TAOK1: variants seen among roughly 807,000 people sequenced by gnomAD.
TAOK1 encodes the protein serine/threonine-protein kinase TAO1.
In TAOK1, 21 loss-of-function variants were observed where a neutral mutation model predicts 138.3. That is an observed-to-expected ratio of 0.15 (90% CI 0.11 to 0.22). The LOEUF (loss-of-function observed/expected upper bound fraction) is 0.22. Among genes scored for constraint, TAOK1 ranks in the 10% least tolerant of loss-of-function variants. The pLI, the probability that TAOK1 is intolerant of heterozygous loss-of-function variation, is 1.00. For missense variants in TAOK1, 651 were observed against 1,227.7 expected, an observed-to-expected ratio of 0.53 and a Z score of 7.02; for synonymous variants, 361 against 398.4, an observed-to-expected ratio of 0.91 and a Z score of 1.12.
chr17:29,522,455 G>A lies in TAOK1; in HGVS notation c.2084G>A (p.Arg695Gln), dbSNP rs372564992. 3 of 1,614,084 alleles carry A rather than the reference G, an allele frequency of 1.9e-6. No individual in the cohort carries two copies. Among genetic ancestry groups the A allele is most frequent in the African/African-American group, 1.3e-5 (1 of 75,012 alleles). ...ACTAACCAGCTGGAATATAATAAGC[G>A]AAGAGAACGAGAACTAAGACGAAAG... ...ELTNQLEYNK[R>Q]RERELRRKHV... is the part of the protein sequence containing the mutation. The change falls in exon 17 of 20, where the codon CGA (arginine) becomes CAA (glutamine). Residue 695 changes from arginine to glutamine, a missense_variant. Around this residue, in one of 8 missense-constraint regions of TAOK1, gnomAD observed 258 missense variants for 548.9 expected, o/e 0.47. Transcript: ENST00000261716.
rs1018841642 is a variant in TAOK1 at position 29,545,813 on chromosome 17, C to T, written c.*2791C>T. On this transcript the variant is annotated 3_prime_UTR_variant, in exon 20 of 20. Coordinates refer to ENST00000261716, the MANE Select transcript of TAOK1 (RefSeq NM_020791.4). ...CAATATTTGATCAAATTAACACTAC[C>T]TCCTTCCCAGTGTTGGTGTTCACTC... The T allele has an allele frequency of 1.3e-5, 2 of 152,002 alleles. No homozygotes were observed. The highest frequency in any genetic ancestry group is 2.9e-5 in the Non-Finnish European group (2 of 67,966). 9.4% of individuals were successfully genotyped at this position (152,002 alleles called of 1,614,324 possible). A position where few individuals can be genotyped will look rare whatever the true frequency, so the allele number is the denominator to read the frequency against.
chr17:29,522,618 T>C (rs1025432310), intron 17 of TAOK1, 99 bp downstream of exon 17: 12 of 1,485,868 alleles, frequency 8.1e-6, no homozygotes, highest in East Asian at 2.3e-5. Flanking sequence ...ATAAAGAAAT[T>C]GACTAAGCTT....
At chr17:29,501,591 G>C (rs1407363752) in intron 12 of TAOK1, among the ~76,000 whole-genome samples, 1 of 152,102 alleles carries the variant, frequency 6.6e-6, no homozygotes, top group Non-Finnish European at 1.5e-5. Flanking sequence ...TAAAAAGATA[G>C]CTCCATTGCT....
chr17:29,534,481 T>C (rs1363420495), intron 19 of TAOK1, among the ~76,000 whole-genome samples, 181 bp downstream of exon 19: 1 of 152,228 alleles, frequency 6.6e-6, no homozygotes, highest in Non-Finnish European at 1.5e-5. Context: ...ATGAACCTTA[T>C]CATTAATGAG....
At chr17:29,402,411 T>G (rs893305405) in intron 1 of TAOK1, among the ~76,000 whole-genome samples, 1 of 152,110 alleles carries the variant, frequency 6.6e-6, no homozygotes, top group African/African-American at 2.4e-5. Context: ...CAGGTGATCC[T>G]TTTACCTCAG....
At chr17:29,539,562 G>A (rs1417130098) in intron 19 of TAOK1, among the ~76,000 whole-genome samples, 4 of 151,978 alleles carry the variant, frequency 2.6e-5, no homozygotes, top group Admixed American at 6.6e-5. Context: ...TCAGCCTCCC[G>A]AGTAGCTGGG....
Position 29,456,976 on chromosome 17 carries a change from G to A in TAOK1, c.132+5296G>A, listed in dbSNP as rs900307583. On this transcript the variant is annotated intron_variant, in intron 2 of 19. Transcript: ENST00000261716. ...TCTCGATCTCCTGGTCTTGTGATCC[G>A]CCTTCCTCGGCCTCCCAAAGTGCTG... Among the ~76,000 whole-genome samples the A allele has an allele frequency of 8.9e-4, 133 of 149,842 alleles. 11 individuals are homozygous for A. Among genetic ancestry groups the A allele is most frequent in the South Asian group, 2.1e-4 (1 of 4,814 alleles).
intron 17 of TAOK1, among the ~76,000 whole-genome samples, chr17:29,527,658 G>A (rs936594235): frequency 1.3e-5 from 2 of 152,100 alleles, no homozygotes; most frequent in Admixed American, 6.6e-5. Flanking sequence ...TGTAAATTTG[G>A]TTACATATCC....
rs2030003959 is a variant in TAOK1 at position 29,443,676 on chromosome 17, G to A, written c.-94-7779G>A. Among the ~76,000 whole-genome samples the A allele has an allele frequency of 3.3e-5, 5 of 152,148 alleles. No homozygotes were observed. In the South Asian group the frequency reaches 8.3e-4, roughly 25 times the overall value. On this transcript the variant is annotated intron_variant, in intron 1 of 19. Coordinates refer to ENST00000261716, the MANE Select transcript of TAOK1 (RefSeq NM_020791.4). ...TTTTATTGTTCACTTTATTAGGAAGGATATGGTAAATTGCTTTAATGATAC... is the reference window on the plus strand; with the variant it reads ...TTTTATTGTTCACTTTATTAGGAAGAATATGGTAAATTGCTTTAATGATAC...
chr17:29,543,016 T>C lies in TAOK1; in HGVS notation c.3000T>C (p.Tyr1000=). 1 of 1,572,952 alleles carries C rather than the reference T, an allele frequency of 6.4e-7. No individual in the cohort carries two copies. The highest frequency in any genetic ancestry group is 1.1e-5 in the South Asian group (1 of 87,286). The change falls in exon 20 of 20, where the codon TAT becomes TAC. Residue 1000 remains tyrosine, a synonymous_variant. Transcript: ENST00000261716. ...SQISNGSHMS[Y]T is the part of the protein sequence containing the mutation. ...TATCCAATGGGTCACACATGTCTTATACATAACTTAATAATTGAGAGTGGC... is the reference window on the plus strand; with the variant it reads ...TATCCAATGGGTCACACATGTCTTACACATAACTTAATAATTGAGAGTGGC...
intron 17 of TAOK1, among the ~76,000 whole-genome samples, chr17:29,523,074 C>CA (rs35989910): frequency 0.02 from 2,235 of 110,796 alleles, 42 homozygotes; most frequent in African/African-American, 0.041. Flanking sequence ...GACCCTGTCT[C>CA]AAAAAAAAAA....
At chr17:29,535,862 CA>C (rs758637236) in intron 19 of TAOK1, among the ~76,000 whole-genome samples, 1 of 150,526 alleles carries the variant, frequency 6.6e-6, no homozygotes, top group African/African-American at 2.4e-5. Flanking sequence ...CTCAAAAAAA[CA>C]AAAAAAATCT....
intron 3 of TAOK1, among the ~76,000 whole-genome samples, chr17:29,474,762 C>T (rs555346626): frequency 6.6e-6 from 1 of 151,096 alleles, no homozygotes; most frequent in South Asian, 2.1e-4. Context: ...CAAAAGGTGA[C>T]ACAAAGACAT....
chr17:29,533,170 G>A (rs1456423877), intron 18 of TAOK1, among the ~76,000 whole-genome samples: 4 of 150,406 alleles, frequency 2.7e-5, no homozygotes, highest in Non-Finnish European at 4.4e-5. Context: ...ATGGGGTCGC[G>A]GCCGGGCAGA....
At chr17:29,428,534 G>A (rs545892272) in intron 1 of TAOK1, among the ~76,000 whole-genome samples, 2 of 152,284 alleles carry the variant, frequency 1.3e-5, no homozygotes, top group East Asian at 3.9e-4. Flanking sequence ...ATCTGGCTCT[G>A]TTACTTAGTA....
chr17:29,428,791 A>T (rs1185898237), intron 1 of TAOK1, among the ~76,000 whole-genome samples: 4 of 144,676 alleles, frequency 2.8e-5, no homozygotes, highest in Non-Finnish European at 6.1e-5. Context: ...ACCTGACTAA[A>T]TTTTTTTTTT....
chr17:29,421,689 C>G (rs911829821), intron 1 of TAOK1, among the ~76,000 whole-genome samples: 2 of 151,952 alleles, frequency 1.3e-5, no homozygotes, highest in African/African-American at 4.8e-5. Context: ...GCCTTGACCT[C>G]CTGGGTTCAA....
At chr17:29,497,113 C>G (rs1012900639) in intron 11 of TAOK1, among the ~76,000 whole-genome samples, 2 of 152,058 alleles carry the variant, frequency 1.3e-5, no homozygotes, top group Admixed American at 1.3e-4. Context: ...ATGTGTAAAG[C>G]TATTTTTTCC....
At chr17:29,397,607 C>CAAAAA (rs1555555318) in intron 1 of TAOK1, among the ~76,000 whole-genome samples, 1 of 94,616 alleles carries the variant, frequency 1.1e-5, no homozygotes, top group African/African-American at 5.3e-5. Flanking sequence ...CGTCCCCCCC[C>CAAAAA]AAAAAAATAT....
Sources: gnomAD v4.1 joint callset for allele counts (sites outside exome capture counted in the v4.1 genomes callset) on GRCh38, gnomAD v4.1.1 for gene constraint, gnomAD v4.1.1 regional missense constraint, MANE v1.5 for transcripts, NCBI Gene and HGNC (gene_info 2026-07-23, HGNC 2026-07-21) for gene names.